The following CSMD1 variants were observed in gnomAD, a reference collection of about 807,000 sequenced individuals.
The protein encoded by CSMD1 is CUB and sushi domain-containing protein 1.
Under a neutral mutation model 417.5 loss-of-function variants are expected in CSMD1, and 213 were observed. The observed-to-expected ratio is 0.51, with a 90% CI of 0.46 to 0.57. The LOEUF is 0.57. Among genes scored for constraint, CSMD1 ranks in the 20% least tolerant of loss-of-function variants. CSMD1 has a pLI of 0.00. For missense variants in CSMD1, 6,923 were observed against 4,529.7 expected (o/e 1.53, Z -15.17); for synonymous variants, 2,862 against 1,736.8 (o/e 1.65, Z -16.11).
intron 3 of CSMD1, among the ~76,000 whole-genome samples, chr8:4,053,113 C>G (rs1324061079): frequency 1.3e-5 from 2 of 152,142 alleles, no homozygotes; most frequent in Non-Finnish European, 2.9e-5. Context: ...ACGAGGACCC[C>G]TTGCCCAGGA....
intron 1 of CSMD1, among the ~76,000 whole-genome samples, chr8:4,808,762 T>A (rs1798727075): frequency 1.3e-5 from 2 of 152,212 alleles, no homozygotes; most frequent in South Asian, 4.1e-4. Flanking sequence ...CATAAACTTA[T>A]TTAGAACCTT....
At chr8:3,107,687 A>G (rs1531351) in intron 45 of CSMD1, 31 bp downstream of exon 45, 1,252,652 of 1,297,916 alleles carry the variant, frequency 0.97, 604,732 homozygotes, top group Admixed American at 0.98. Context: ...GTCGTGCTGA[A>G]TTCATGGTAT....
intron 1 of CSMD1, among the ~76,000 whole-genome samples, chr8:4,965,642 T>C (rs1452589445): frequency 6.6e-6 from 1 of 152,218 alleles, no homozygotes; most frequent in Non-Finnish European, 1.5e-5. Flanking sequence ...TGTAGCTGTA[T>C]AAGTGGAATG....
intron 54 of CSMD1, among the ~76,000 whole-genome samples, chr8:2,988,024 T>C (rs1285962328): frequency 1.3e-5 from 2 of 152,232 alleles, no homozygotes; most frequent in East Asian, 3.8e-4. Flanking sequence ...TTAGCTATTT[T>C]TCCTAAAACC....
At position 3,839,507 on chromosome 8, in the gene CSMD1, T is replaced by C. The variant is rs1342183008; in HGVS notation, c.819-85465A>G. Among the ~76,000 whole-genome samples the C allele has an allele frequency of 3.9e-5, 5 of 128,638 alleles. No individual in the cohort carries two copies. In the East Asian group the frequency reaches 1.0e-3, roughly 27 times the overall value. The allele number at this position is 128,638 out of a possible 152,430, so 84.4% of individuals were successfully genotyped here. A position where few individuals can be genotyped will look rare whatever the true frequency, so the allele number is the denominator to read the frequency against. ...ATATATTTATATATTAATATATATA[T>C]TTATATAGAATATAAATATATGTTA... is the stretch of plus-strand genomic sequence containing the variant. On this transcript the variant is annotated intron_variant, in intron 5 of 69. Transcript: ENST00000635120.
intron 1 of CSMD1, among the ~76,000 whole-genome samples, chr8:4,692,753 C>A (rs1190564210): frequency 6.6e-6 from 1 of 152,174 alleles, no homozygotes; most frequent in East Asian, 1.9e-4. Flanking sequence ...TCACATCATG[C>A]CTAATTCTAG....
At chr8:3,122,641 C>T (rs575993258) in intron 41 of CSMD1, among the ~76,000 whole-genome samples, 6 of 152,266 alleles carry the variant, frequency 3.9e-5, no homozygotes, top group Middle Eastern at 3.4e-3. Flanking sequence ...ATGAGTCTCA[C>T]GAGAGCTGAT....
Position 4,512,836 on chromosome 8 carries a change from A to G in CSMD1, c.303-92771T>C, listed in dbSNP as rs746093965. 9.7e-4 allele frequency among the ~76,000 whole-genome samples: 147 copies of G among 151,892 alleles called. 1 individual carries two copies. The highest frequency in any genetic ancestry group is 2.0e-3 in the Non-Finnish European group (134 of 67,914). On this transcript the variant is annotated intron_variant, in intron 2 of 69. Coordinates refer to ENST00000635120, the MANE Select transcript of CSMD1 (RefSeq NM_033225.6). ...ATGGATTTAAAAAAAAAAAAACCTC[A>G]GTACTGTCAAGTTGTCAGCTCTTTC...
chr8:4,815,687 G>C (rs74656912), intron 1 of CSMD1, among the ~76,000 whole-genome samples: 120 of 83,570 alleles, frequency 1.4e-3, no homozygotes, highest in African/African-American at 6.7e-3. Context: ...CAAGACCAAA[G>C]CTGTCTCAAA....
chr8:3,801,422 G>A (rs919828589), intron 5 of CSMD1, among the ~76,000 whole-genome samples: 2 of 152,110 alleles, frequency 1.3e-5, no homozygotes, highest in African/African-American at 4.8e-5. Context: ...AAGCCACAAT[G>A]AGATACCATT....
intron 5 of CSMD1, among the ~76,000 whole-genome samples, chr8:3,809,032 A>T (rs1263813166): frequency 6.6e-6 from 1 of 152,170 alleles, no homozygotes; most frequent in Non-Finnish European, 1.5e-5. Context: ...GAAGGCATGA[A>T]GAGATACACT....
chr8:3,884,176 C>A (rs1806396548), intron 5 of CSMD1, among the ~76,000 whole-genome samples: 1 of 152,110 alleles, frequency 6.6e-6, no homozygotes, highest in Admixed American at 6.6e-5. Flanking sequence ...ACTCAGGTGG[C>A]TTTAAATTCA....
chr8:4,172,896 G>C (rs1404590674), intron 3 of CSMD1, among the ~76,000 whole-genome samples: 13 of 152,124 alleles, frequency 8.5e-5, no homozygotes, highest in Non-Finnish European at 1.2e-4. Context: ...CATTCCAGGA[G>C]TTGAGTCTGA....
At chr8:4,028,616 G>C (rs534757962) in intron 4 of CSMD1, among the ~76,000 whole-genome samples, 1 of 152,288 alleles carries the variant, frequency 6.6e-6, no homozygotes, top group East Asian at 1.9e-4. Context: ...CTGTAAATTG[G>C]CATGCTTACA....
intron 5 of CSMD1, among the ~76,000 whole-genome samples, chr8:3,943,463 A>G (rs1811022493): frequency 6.6e-6 from 1 of 151,820 alleles, no homozygotes; most frequent in Non-Finnish European, 1.5e-5. Context: ...GTTTCTGACA[A>G]AAATGATCAG....
intron 6 of CSMD1, among the ~76,000 whole-genome samples, chr8:3,744,356 T>A (rs950860532): frequency 6.6e-6 from 1 of 152,174 alleles, no homozygotes; most frequent in African/African-American, 2.4e-5. Context: ...CACTGATTAC[T>A]AAACAGGGCA....
At chr8:4,882,127 G>C (rs536777995) in intron 1 of CSMD1, among the ~76,000 whole-genome samples, 3 of 152,174 alleles carry the variant, frequency 2.0e-5, no homozygotes, top group South Asian at 2.1e-4. Context: ...AACTAGAGTA[G>C]GCTGATGAAG....
chr8:3,934,955 C>A (rs971324897), intron 5 of CSMD1, among the ~76,000 whole-genome samples: 4 of 151,936 alleles, frequency 2.6e-5, no homozygotes, highest in Non-Finnish European at 5.9e-5. Flanking sequence ...GTAATATTTA[C>A]AAAAAACTAA....
intron 41 of CSMD1, among the ~76,000 whole-genome samples, chr8:3,120,046 C>T (rs530161212): frequency 1.6e-4 from 24 of 152,140 alleles, no homozygotes; most frequent in African/African-American, 5.3e-4. Flanking sequence ...TTGGAGTGAG[C>T]CTGTAGTTTG....
Sources: gnomAD v4.1 joint callset for allele counts (sites outside exome capture counted in the v4.1 genomes callset) on GRCh38, gnomAD v4.1.1 for gene constraint, MANE v1.5 for transcripts, NCBI Gene and HGNC (gene_info 2026-07-23, HGNC 2026-07-21) for gene names.